The following MAT2B variants were observed in gnomAD, a reference collection of about 807,000 sequenced individuals.
The protein encoded by MAT2B is methionine adenosyltransferase 2 non-catalytic beta subunit.
In MAT2B, 16 loss-of-function variants were observed where a neutral mutation model predicts 36.1. The observed-to-expected ratio is 0.44, with a 90% confidence interval of 0.30 to 0.67. The LOEUF (loss-of-function observed/expected upper bound fraction) is 0.67. MAT2B is among the 30% of genes least tolerant of loss of function. The probability of loss-of-function intolerance (pLI) is 0.09; values close to 1 mark genes in which losing one functional copy is unlikely to be tolerated. For missense variants in MAT2B, 332 were observed against 398.2 expected, an observed-to-expected ratio of 0.83 and a Z score of 1.42; for synonymous variants, 148 against 136.9, an observed-to-expected ratio of 1.08 and a Z score of -0.57.
upstream of MAT2B, chr5:163,503,425 G>T: frequency 1.2e-6 from 2 of 1,613,750 alleles, no homozygotes; most frequent in South Asian, 1.1e-5. Context: ...CATGGAGCAG[G>T]TAAGAACTAG....
chr5:163,514,153 A>G (rs563422307), intron 4 of MAT2B, among the ~76,000 whole-genome samples, 159 bp downstream of exon 4: 3 of 152,368 alleles, frequency 2.0e-5, no homozygotes, highest in Admixed American at 6.5e-5. Flanking sequence ...ATTCTAAGAG[A>G]TAACTACTTT....
chr5:163,516,325 T>C (rs939045949), intron 4 of MAT2B, among the ~76,000 whole-genome samples, 193 bp from the exon 5 acceptor site: 2 of 152,184 alleles, frequency 1.3e-5, no homozygotes, highest in African/African-American at 2.4e-5. Context: ...GCTAGCATTA[T>C]AGGCATGAGT....
chr5:163,511,494 G>T lies in MAT2B; in HGVS notation c.64-508G>T, dbSNP rs538232366. 4.3e-3 allele frequency among the ~76,000 whole-genome samples: 596 copies of T among 137,768 alleles called. 3 individuals are homozygous for T. Among genetic ancestry groups the T allele is most frequent in the African/African-American group, 0.015 (562 of 37,128 alleles). 90.4% of individuals were successfully genotyped at this position (137,768 alleles called of 152,430 possible). A position where few individuals can be genotyped will look rare whatever the true frequency, so the allele number is the denominator to read the frequency against. ...GACGGGTTTTCACCATGTTGCCTAG[G>T]CTGGTCTCGAACTCCTGGGCTCAAG... On this transcript the variant is annotated intron_variant, in intron 1 of 6. Transcript: ENST00000321757.
intron 1 of MAT2B, among the ~76,000 whole-genome samples, chr5:163,508,828 T>G (rs1759990686): frequency 6.6e-6 from 1 of 152,162 alleles, no homozygotes; most frequent in South Asian, 2.1e-4. Flanking sequence ...TGCTCAAGAT[T>G]TTTATTAAGA....
chr5:163,515,649 T>C (rs1249239848), intron 4 of MAT2B, among the ~76,000 whole-genome samples: 1 of 152,062 alleles, frequency 6.6e-6, no homozygotes, highest in African/African-American at 2.4e-5. Context: ...AGACTATTCA[T>C]TGCATTCAGT....
intron 1 of MAT2B, among the ~76,000 whole-genome samples, chr5:163,506,056 G>C (rs1037504154): frequency 1.3e-5 from 2 of 152,164 alleles, no homozygotes; most frequent in African/African-American, 4.8e-5. Flanking sequence ...TGTTTGTTTT[G>C]ATTTTGGTTT....
At chr5:163,515,933 CTG>C (rs953333490) in intron 4 of MAT2B, among the ~76,000 whole-genome samples, 2 of 152,000 alleles carry the variant, frequency 1.3e-5, no homozygotes, top group Non-Finnish European at 2.9e-5. Context: ...CGAGGTCTCA[CTG>C]TGTTGTCCAC....
At position 163,516,514 on chromosome 5, in the gene MAT2B, C is replaced by T. The variant is rs181985438; in HGVS notation, c.527-4C>T. On this transcript the variant is annotated splice_region_variant and splice_polypyrimidine_tract_variant and intron_variant, in intron 4 of 6. Transcript: ENST00000321757. ...TTAAATTATTTGCTTTTATTCTTCT[C>T]TAGGAGCTGCTGTTTTGAGGATTCC... 3.1e-6 allele frequency: 5 copies of T among 1,612,646 alleles called. No homozygotes were observed. In the East Asian group the frequency reaches 6.7e-5, roughly 22 times the overall value.
At chr5:163,512,685 T>A (rs1760064646) in intron 2 of MAT2B, 1 of 454,330 alleles carries the variant, frequency 2.2e-6, no homozygotes, top group African/African-American at 2.0e-5. Context: ...GACTTCTGTT[T>A]TGTTCTTGTT....
chr5:163,516,283 C>G (rs531315778), intron 4 of MAT2B, among the ~76,000 whole-genome samples: 91 of 152,226 alleles, frequency 6.0e-4, no homozygotes, highest in Admixed American at 2.0e-3. Flanking sequence ...CTCCTGGCTT[C>G]AAGTGATCCT....
At chr5:163,511,959 T>A (rs1234581192) in intron 1 of MAT2B, 43 bp from the exon 2 acceptor site, 9 of 1,445,410 alleles carry the variant, frequency 6.2e-6, no homozygotes, top group Admixed American at 1.8e-5. Context: ...GAGAGAACTG[T>A]TTTCAAAGTT....
intron 1 of MAT2B, among the ~76,000 whole-genome samples, chr5:163,510,778 G>T (rs922926538): frequency 6.6e-6 from 1 of 152,180 alleles, no homozygotes; most frequent in Non-Finnish European, 1.5e-5. Context: ...AAGCATTTAA[G>T]TGTTGTAAGG....
At chr5:163,514,154 T>G (rs967341234) in intron 4 of MAT2B, among the ~76,000 whole-genome samples, 160 bp downstream of exon 4, 5 of 152,230 alleles carry the variant, frequency 3.3e-5, no homozygotes, top group African/African-American at 1.2e-4. Context: ...TTCTAAGAGA[T>G]AACTACTTTG....
At chr5:163,511,893 G>A (rs1760052878) in intron 1 of MAT2B, 109 bp from the exon 2 acceptor site, 1 of 837,496 alleles carries the variant, frequency 1.2e-6, no homozygotes. Flanking sequence ...TGGGACATGA[G>A]TCAAAATACG....
intron 1 of MAT2B, among the ~76,000 whole-genome samples, chr5:163,508,150 A>T (rs1299738249): frequency 6.6e-6 from 1 of 152,236 alleles, no homozygotes; most frequent in Non-Finnish European, 1.5e-5. Context: ...TTCTGGTTCC[A>T]GCTTTTTCTC....
intron 1 of MAT2B, 133 bp downstream of exon 1, chr5:163,505,882 C>A: frequency 6.7e-6 from 4 of 594,020 alleles, no homozygotes; most frequent in Non-Finnish European, 7.6e-6. Context: ...CTCACCGCCA[C>A]CCTCCCAGCC....
upstream of MAT2B, among the ~76,000 whole-genome samples, chr5:163,504,305 A>G (rs299300): frequency 0.99 from 150,576 of 151,912 alleles, 74,637 homozygotes; most frequent in East Asian, 1. Flanking sequence ...AAGCCAAACT[A>G]ATGAACAGTA....
At chr5:163,512,408 T>G in intron 2 of MAT2B, 1 of 580,084 alleles carries the variant, frequency 1.7e-6, no homozygotes, top group South Asian at 2.0e-5. Context: ...TGAGACATTT[T>G]ATAAAATGCT....
intron 1 of MAT2B, among the ~76,000 whole-genome samples, 171 bp from the exon 2 acceptor site, chr5:163,511,831 G>C (rs1760051519): frequency 6.6e-6 from 1 of 152,178 alleles, no homozygotes; most frequent in Non-Finnish European, 1.5e-5. Flanking sequence ...GGAATTACAG[G>C]CATGAGCCTG....
Sources: gnomAD v4.1 joint callset for allele counts (sites outside exome capture counted in the v4.1 genomes callset) on GRCh38, gnomAD v4.1.1 for gene constraint, MANE v1.5 for transcripts, NCBI Gene and HGNC (gene_info 2026-07-23, HGNC 2026-07-21) for gene names.